CTNNA3: variants seen among roughly 807,000 people sequenced by gnomAD.
The protein encoded by CTNNA3 is catenin alpha 3, also known as catenin alpha-3.
Under a neutral mutation model 95.7 loss-of-function variants are expected in CTNNA3, and 76 were observed. The observed-to-expected ratio is 0.79, with a 90% CI of 0.66 to 0.96. The LOEUF (loss-of-function observed/expected upper bound fraction) is 0.96, where lower values mean the gene tolerates loss of function less well. Ranked by LOEUF, CTNNA3 falls within the 40% of genes least tolerant of loss-of-function variation. CTNNA3 has a pLI of 0.00. For synonymous variants in CTNNA3, 431 were observed against 374.4 expected (o/e 1.15, Z -1.74); for missense variants, 1,191 against 1,089.8 (o/e 1.09, Z -1.31).
At chr10:67,606,522 CAAAT>C (rs1843275711) in intron 3 of CTNNA3, among the ~76,000 whole-genome samples, 1 of 152,138 alleles carries the variant, frequency 6.6e-6, no homozygotes, top group African/African-American at 2.4e-5. Context: ...TATGTATAGA[CAAAT>C]AAATCTTCAG....
intron 10 of CTNNA3, among the ~76,000 whole-genome samples, chr10:66,534,395 A>C (rs1257355457): frequency 6.6e-6 from 1 of 151,686 alleles, no homozygotes; most frequent in Non-Finnish European, 1.5e-5. Context: ...AATAGAGTAT[A>C]ATAAAAATAG....
At chr10:66,768,784 C>A (rs1839967107) in intron 8 of CTNNA3, among the ~76,000 whole-genome samples, 2 of 150,606 alleles carry the variant, frequency 1.3e-5, no homozygotes, top group Admixed American at 6.6e-5. Flanking sequence ...AGACTGACAG[C>A]AAAAAAAAAA....
chr10:67,686,784 T>C lies in CTNNA3; in HGVS notation c.-6+9216A>G, dbSNP rs147018586. Among the ~76,000 whole-genome samples, 205 of 152,270 alleles carry C rather than the reference T, an allele frequency of 1.3e-3. 1 individual carries two copies. In the Middle Eastern group the frequency reaches 0.031, roughly 23 times the overall value. ...GAGTCTGAGTAAGGACCCCAAGAGC[T>C]ATTCCTGCTCTCTTTGTGATGTATA... On this transcript the variant is annotated intron_variant, in intron 1 of 17. Transcript: ENST00000433211.
intron 2 of CTNNA3, among the ~76,000 whole-genome samples, chr10:67,618,709 G>A (rs1323976785): frequency 6.6e-6 from 1 of 152,088 alleles, no homozygotes; most frequent in African/African-American, 2.4e-5. Context: ...AGATTTGCAG[G>A]GCTGAAGATT....
At chr10:66,141,363 C>T (rs1051470592) in intron 13 of CTNNA3, among the ~76,000 whole-genome samples, 2 of 151,002 alleles carry the variant, frequency 1.3e-5, no homozygotes, top group African/African-American at 4.9e-5. Context: ...TTTAAAATTT[C>T]AAGAATGTTT....
chr10:67,433,462 C>G (rs193031458), intron 5 of CTNNA3, among the ~76,000 whole-genome samples: 1 of 151,970 alleles, frequency 6.6e-6, no homozygotes, highest in Non-Finnish European at 1.5e-5. Context: ...AGTGACCACA[C>G]GCTGTTGGGA....
chr10:67,463,660 A>T (rs1255198405), intron 5 of CTNNA3, among the ~76,000 whole-genome samples: 2 of 152,176 alleles, frequency 1.3e-5, no homozygotes, highest in African/African-American at 4.8e-5. Context: ...AACTATAAAT[A>T]AGGTTTATTT....
intron 5 of CTNNA3, among the ~76,000 whole-genome samples, chr10:67,228,776 G>T (rs758829509): frequency 6.6e-6 from 1 of 152,098 alleles, no homozygotes; most frequent in Non-Finnish European, 1.5e-5. Flanking sequence ...AAATCGGTAA[G>T]AATTAGATAC....
intron 7 of CTNNA3, among the ~76,000 whole-genome samples, chr10:67,062,621 T>C (rs1320782826): frequency 6.6e-6 from 1 of 152,118 alleles, no homozygotes; most frequent in Non-Finnish European, 1.5e-5. Context: ...ATGACCTCAA[T>C]ATTTACCTAA....
Position 66,955,929 on chromosome 10 carries a change from T to C in CTNNA3, c.1048-180405A>G, listed in dbSNP as rs180809513. Among the ~76,000 whole-genome samples, 420 of 152,268 alleles carry C rather than the reference T, an allele frequency of 2.8e-3. 4 individuals are homozygous for C. Among genetic ancestry groups the C allele is most frequent in the African/African-American group, 9.9e-3 (410 of 41,564 alleles). On this transcript the variant is annotated intron_variant, in intron 7 of 17. Coordinates refer to ENST00000433211, the MANE Select transcript of CTNNA3 (RefSeq NM_013266.4). ...CGCTACAACATGGCATTTGGAAATT[T>C]GCTTAGGCAAAATTTAGTCATTCTG...
At position 66,542,152 on chromosome 10, in the gene CTNNA3, T is replaced by C. The variant is rs575040078; in HGVS notation, c.1375-21379A>G. On this transcript the variant is annotated intron_variant, in intron 10 of 17. Transcript: ENST00000433211. ...CACATGAAAAAATGCTCATCATCAC[T>C]GGCCATGAGAGAAATGCAAATCAAA... 1.1e-4 allele frequency among the ~76,000 whole-genome samples: 17 copies of C among 152,260 alleles called. No individual in the cohort carries two copies. The East Asian group carries it at 3.1e-3, about 28-fold the overall frequency.
chr10:67,622,380 T>C (rs568987018), intron 2 of CTNNA3, among the ~76,000 whole-genome samples: 8 of 152,198 alleles, frequency 5.3e-5, no homozygotes, highest in Non-Finnish European at 1.2e-4. Context: ...GAGGAAAAGA[T>C]GAGCTGTGAT....
intron 6 of CTNNA3, among the ~76,000 whole-genome samples, chr10:67,182,750 C>A (rs919512590): frequency 6.6e-6 from 1 of 152,224 alleles, no homozygotes; most frequent in African/African-American, 2.4e-5. Flanking sequence ...AGTGAACAGG[C>A]AACCTACAGA....
At chr10:66,692,122 T>C (rs1179529748) in intron 9 of CTNNA3, among the ~76,000 whole-genome samples, 1 of 152,166 alleles carries the variant, frequency 6.6e-6, no homozygotes, top group South Asian at 2.1e-4. Context: ...AGAATGACTT[T>C]GACGAGTTGA....
intron 7 of CTNNA3, among the ~76,000 whole-genome samples, chr10:66,791,407 T>C (rs760262869): frequency 4.6e-5 from 7 of 152,212 alleles, no homozygotes; most frequent in Non-Finnish European, 1.0e-4. Flanking sequence ...GCTCTGGTCA[T>C]ACTGATCCCT....
chr10:66,450,867 A>T (rs1911316), intron 11 of CTNNA3, among the ~76,000 whole-genome samples: 5,619 of 152,232 alleles, frequency 0.037, 346 homozygotes, highest in African/African-American at 0.13. Context: ...TCACTCTTCA[A>T]GACACAAGTC....
chr10:67,416,706 C>T (rs1845560603), intron 5 of CTNNA3, among the ~76,000 whole-genome samples: 2 of 151,448 alleles, frequency 1.3e-5, no homozygotes, highest in African/African-American at 4.9e-5. Flanking sequence ...AAAAATACTC[C>T]ACATCACTAT....
At chr10:66,507,764 A>T (rs1840502764) in intron 11 of CTNNA3, among the ~76,000 whole-genome samples, 1 of 152,154 alleles carries the variant, frequency 6.6e-6, no homozygotes, top group African/African-American at 2.4e-5. Context: ...ATGGACATTT[A>T]GGTTCATTCC....
At chr10:66,262,836 A>G (rs1426671316) in intron 13 of CTNNA3, among the ~76,000 whole-genome samples, 1 of 151,904 alleles carries the variant, frequency 6.6e-6, no homozygotes, top group Non-Finnish European at 1.5e-5. Context: ...TATTTATTTT[A>G]TGTATATAAG....
Sources: gnomAD v4.1 joint callset for allele counts (sites outside exome capture counted in the v4.1 genomes callset) on GRCh38, gnomAD v4.1.1 for gene constraint, MANE v1.5 for transcripts, NCBI Gene and HGNC (gene_info 2026-07-23, HGNC 2026-07-21) for gene names.